Variants in NFIX observed in about 807,000 individuals in gnomAD.
NFIX encodes the protein nuclear factor 1 X-type.
Under a neutral mutation model 53.3 loss-of-function variants are expected in NFIX, and 2 were observed. The observed-to-expected ratio is 0.04, with a 90% CI of 0.02 to 0.12. The LOEUF (loss-of-function observed/expected upper bound fraction) is 0.12, where lower values mean the gene tolerates loss of function less well. NFIX is among the 10% of genes least tolerant of loss of function. The pLI, the probability that NFIX is intolerant of heterozygous loss-of-function variation, is 1.00. For synonymous variants in NFIX, 244 were observed against 289.0 expected (o/e 0.84, Z 1.58); for missense variants, 310 against 674.5 (o/e 0.46, Z 5.99).
At position 13,022,136 on chromosome 19, in the gene NFIX, T is replaced by A. The variant is rs1332222048; in HGVS notation, c.28-2885T>A. On this transcript the variant is annotated intron_variant, in intron 1 of 10. Coordinates refer to ENST00000592199, the MANE Select transcript of NFIX (RefSeq NM_001365902.3). The surrounding 1 kb of genome is among the most constrained non-coding windows in gnomAD (Gnocchi z 4.5). ...CCTCTGCTCAGAGGTAGTGTCCATC[T>A]TTTTGCCTTTGTCACTTCTCCCCGG... Among the ~76,000 whole-genome samples the A allele has an allele frequency of 6.6e-6, 1 of 152,174 alleles. No individual in the cohort carries two copies. Among genetic ancestry groups the A allele is most frequent in the East Asian group, 1.9e-4 (1 of 5,200 alleles).
In NFIX at chr19:13,097,071, C is replaced by A. The variant is rs1192665307; in HGVS notation, c.*2422C>A. Reference sequence around the variant, plus strand: ...GTTAAGAGATTAAGAAAAAAAAATTCTATTTTTGTTGTAATGTCCTCGCGG... The same window carrying A: ...GTTAAGAGATTAAGAAAAAAAAATTATATTTTTGTTGTAATGTCCTCGCGG... On this transcript the variant is annotated 3_prime_UTR_variant, in exon 11 of 11. Transcript: ENST00000592199. 3 of 150,666 alleles carry A rather than the reference C, an allele frequency of 2.0e-5. No individual in the cohort carries two copies. Among genetic ancestry groups the A allele is most frequent in the Admixed American group, 6.6e-5 (1 of 15,194 alleles). 9.3% of individuals were successfully genotyped at this position (150,666 alleles called of 1,614,324 possible). A position where few individuals can be genotyped will look rare whatever the true frequency, so the allele number is the denominator to read the frequency against.
rs1407142870 is a variant in NFIX at position 12,996,655 on chromosome 19, G to A, written c.27+791G>A. On this transcript the variant is annotated intron_variant, in intron 1 of 10. Transcript: ENST00000592199. This position sits in a 1 kb window ranked among gnomAD's most constrained non-coding sequence, Gnocchi z 5.2. ...TGGCCCCAGCGACCCGGGCTGCTGCGGAGTGGACCCGGCAGGCCTGGGGAA... is the reference window on the plus strand; with the variant it reads ...TGGCCCCAGCGACCCGGGCTGCTGCAGAGTGGACCCGGCAGGCCTGGGGAA... 2.0e-5 allele frequency among the ~76,000 whole-genome samples: 3 copies of A among 152,150 alleles called. No individual in the cohort carries two copies. Among genetic ancestry groups the A allele is most frequent in the Non-Finnish European group, 4.4e-5 (3 of 68,016 alleles).
chr19:13,015,808 A>ACACGCG (rs1555695241), intron 1 of NFIX, among the ~76,000 whole-genome samples: 2 of 150,704 alleles, frequency 1.3e-5, no homozygotes, highest in African/African-American at 4.9e-5. Context: ...ACACACACAC[A>ACACGCG]CACACGCACA....
chr19:12,997,921 G>C (rs757628278), intron 1 of NFIX, among the ~76,000 whole-genome samples: 6 of 152,098 alleles, frequency 3.9e-5, no homozygotes, highest in Non-Finnish European at 8.8e-5. Context: ...TGGCTGGAGA[G>C]GGGAGTGGGC....
In NFIX at chr19:13,073,150, G is replaced by T; in HGVS notation, c.622+41G>T. On this transcript the variant is annotated intron_variant, in intron 3 of 10. Transcript: ENST00000592199. This position sits in a 1 kb window ranked among gnomAD's most constrained non-coding sequence, Gnocchi z 4.5. ...CTGCCCAGCTGCCCTTATCCTTCAT[G>T]CCCCTCCACTTCCTTCCCCCACCCT... The T allele has an allele frequency of 6.3e-7, 1 of 1,597,194 alleles. No homozygotes were observed. Among genetic ancestry groups the T allele is most frequent in the Non-Finnish European group, 8.6e-7 (1 of 1,164,648 alleles).
In NFIX at chr19:13,093,909, G is replaced by GC. The variant is rs1267015241; in HGVS notation, c.1495-724dup. ...CTGCCCTGGGTGTGCTCTGAGCTGA[G>GC]CCACCAGACACAGGCAGACAAGACA... On this transcript the variant is annotated intron_variant, in intron 10 of 10. Coordinates refer to ENST00000592199, the MANE Select transcript of NFIX (RefSeq NM_001365902.3). This position sits in a 1 kb window ranked among gnomAD's most constrained non-coding sequence, Gnocchi z 4.7. 1.4e-4 allele frequency among the ~76,000 whole-genome samples: 21 copies of GC among 152,140 alleles called. No individual in the cohort carries two copies. The highest frequency in any genetic ancestry group is 1.3e-3 in the Admixed American group (20 of 15,280).
chr19:13,034,817 A>G (rs1599757335), intron 2 of NFIX, among the ~76,000 whole-genome samples: 1 of 151,840 alleles, frequency 6.6e-6, no homozygotes, highest in East Asian at 1.9e-4. Flanking sequence ...GTTCAGGGAG[A>G]GGCTGGCTCA....
rs2012020710 is a variant in NFIX, at chr19:13,006,478, C to T, written c.27+10614C>T. Among the ~76,000 whole-genome samples the T allele has an allele frequency of 6.6e-6, 1 of 152,220 alleles. No homozygotes were observed. Among genetic ancestry groups the T allele is most frequent in the Non-Finnish European group, 1.5e-5 (1 of 68,042 alleles). ...CAAGATGGCCGAGGCCTTTCCTTTACAGAAACTGGGGCTTGATGGGCACTG... is the reference window on the plus strand; with the variant it reads ...CAAGATGGCCGAGGCCTTTCCTTTATAGAAACTGGGGCTTGATGGGCACTG... On this transcript the variant is annotated intron_variant, in intron 1 of 10. Coordinates refer to ENST00000592199, the MANE Select transcript of NFIX (RefSeq NM_001365902.3). The surrounding 1 kb of genome is among the most constrained non-coding windows in gnomAD (Gnocchi z 5.6).
chr19:13,056,443 CTGGGCCCACATAGGG>C (rs1024520763), intron 2 of NFIX, among the ~76,000 whole-genome samples: 58 of 152,190 alleles, frequency 3.8e-4, no homozygotes, highest in Non-Finnish European at 7.4e-5. Context: ...CTTGCATAGG[CTGGGCCCACATAGGG>C]TGGGCCCACC....
chr19:13,066,451 T>G lies in NFIX; in HGVS notation c.560-6596T>G, dbSNP rs2016407928. 6.6e-6 allele frequency among the ~76,000 whole-genome samples: 1 copy of G among 152,022 alleles called. No individual in the cohort carries two copies. The highest frequency in any genetic ancestry group is 2.1e-4 in the South Asian group (1 of 4,820). ...TGGGTGTCACTCGGTTTCTTCCTCT[T>G]TCCTGTCACTTATCCCCTCTGCCAT... On this transcript the variant is annotated intron_variant, in intron 2 of 10. Coordinates refer to ENST00000592199, the MANE Select transcript of NFIX (RefSeq NM_001365902.3). The surrounding 1 kb of genome is among the most constrained non-coding windows in gnomAD (Gnocchi z 4.2).
Position 13,073,234 on chromosome 19 carries a change from A to G in NFIX, c.622+125A>G. On this transcript the variant is annotated intron_variant, in intron 3 of 10. Coordinates refer to ENST00000592199, the MANE Select transcript of NFIX (RefSeq NM_001365902.3). The surrounding 1 kb of genome is among the most constrained non-coding windows in gnomAD (Gnocchi z 4.5). ...ATTCAGCTGTCCCTTGACTGAGCTT[A>G]GCTTGCTGTCCTGAGGGGATGGGGG... 2.8e-6 allele frequency: 3 copies of G among 1,061,780 alleles called. No individual in the cohort carries two copies. Among genetic ancestry groups the G allele is most frequent in the Non-Finnish European group, 2.9e-6 (2 of 680,812 alleles). The allele number at this position is 1,061,780 out of a possible 1,614,324, so 65.8% of individuals were successfully genotyped here. A position where few individuals can be genotyped will look rare whatever the true frequency, so the allele number is the denominator to read the frequency against.
chr19:13,086,558 G>A lies in NFIX; in HGVS notation c.1255-1431G>A, dbSNP rs530797875. Among the ~76,000 whole-genome samples, 27 of 152,150 alleles carry A rather than the reference G, an allele frequency of 1.8e-4. 1 individual carries two copies. The highest frequency in any genetic ancestry group is 3.4e-4 in the Non-Finnish European group (23 of 68,012). On this transcript the variant is annotated intron_variant, in intron 8 of 10. Transcript: ENST00000592199. ...CTTGGACTGATGATCCTTTGTTGTT[G>A]GGGCTGTCCTGTGCACCGCAGGATG...
In NFIX at chr19:13,013,316, C is replaced by A. The variant is rs976629030; in HGVS notation, c.28-11705C>A. On this transcript the variant is annotated intron_variant, in intron 1 of 10. Transcript: ENST00000592199. The surrounding 1 kb of genome is among the most constrained non-coding windows in gnomAD (Gnocchi z 5.9). ...AAGCTGGCGTCGGGCTGAAGTCCCC[C>A]GAGCCACCCCTGGAGCCAGAGCAGC... is the stretch of plus-strand genomic sequence containing the variant. Among the ~76,000 whole-genome samples, 2 of 152,184 alleles carry A rather than the reference C, an allele frequency of 1.3e-5. No individual in the cohort carries two copies. The highest frequency in any genetic ancestry group is 2.4e-5 in the African/African-American group (1 of 41,432).
intron 1 of NFIX, among the ~76,000 whole-genome samples, chr19:13,004,324 A>G (rs2011892619): frequency 6.6e-6 from 1 of 152,076 alleles, no homozygotes; most frequent in Non-Finnish European, 1.5e-5. Context: ...CACCCAAACA[A>G]GACGCCAGCT....
In NFIX at chr19:13,073,450, G is replaced by A; in HGVS notation, c.651G>A (p.Val217=). The change falls in exon 4 of 11, where the codon GTG becomes GTA. Residue 217 remains valine, a synonymous_variant. Coordinates refer to ENST00000592199, the MANE Select transcript of NFIX (RefSeq NM_001365902.3). The surrounding 1 kb of genome is among the most constrained non-coding windows in gnomAD (Gnocchi z 4.5). ...NGHLSFQDCF[V]TSGVWNVTEL... ...ACTTAAGTTTCCAGGACTGTTTTGT[G>A]ACTTCCGGGGTCTGGAATGTGACGG... 1 of 1,613,982 alleles carries A rather than the reference G, an allele frequency of 6.2e-7. No individual in the cohort carries two copies. The highest frequency in any genetic ancestry group is 8.5e-7 in the Non-Finnish European group (1 of 1,179,890).
rs1321640653 is a variant in NFIX, at chr19:13,011,428, G to A, written c.28-13593G>A. The stretch of plus-strand genomic sequence containing the variant: ...GTCCAGCTCGGGCCGCACGCTACCC[G>A]CCCTCCAGGCCTTCGCTCCAGGTGC... On this transcript the variant is annotated intron_variant, in intron 1 of 10. Transcript: ENST00000592199. This position sits in a 1 kb window ranked among gnomAD's most constrained non-coding sequence, Gnocchi z 6.5. Among the ~76,000 whole-genome samples, 1 of 151,702 alleles carries A rather than the reference G, an allele frequency of 6.6e-6. No homozygotes were observed. The highest frequency in any genetic ancestry group is 1.5e-5 in the Non-Finnish European group (1 of 67,942).
At chr19:13,079,653 G>A (rs2017341329) in intron 7 of NFIX, among the ~76,000 whole-genome samples, 1 of 152,210 alleles carries the variant, frequency 6.6e-6, no homozygotes, top group Non-Finnish European at 1.5e-5. Flanking sequence ...GCTGGGGCAG[G>A]GTGTGGTGGC....
In NFIX at chr19:13,078,605, C is replaced by A; in HGVS notation, c.956-8C>A. On this transcript the variant is annotated splice_region_variant and splice_polypyrimidine_tract_variant and intron_variant, in intron 6 of 10. Coordinates refer to ENST00000592199, the MANE Select transcript of NFIX (RefSeq NM_001365902.3). This position sits in a 1 kb window ranked among gnomAD's most constrained non-coding sequence, Gnocchi z 4.7. ...AACCTGCCCTGTGTTGCTGCTTCCT[C>A]CCCCCAGGCCCGGCTTCTCTAAAGA... The A allele has an allele frequency of 6.3e-7, 1 of 1,595,848 alleles. No individual in the cohort carries two copies. Among genetic ancestry groups the A allele is most frequent in the Non-Finnish European group, 8.5e-7 (1 of 1,171,316 alleles).
In NFIX at chr19:13,051,785, C is replaced by G. The variant is rs1411536542; in HGVS notation, c.560-21262C>G. Among the ~76,000 whole-genome samples the G allele has an allele frequency of 3.9e-5, 6 of 152,228 alleles. No homozygotes were observed. Among genetic ancestry groups the G allele is most frequent in the Non-Finnish European group, 7.3e-5 (5 of 68,042 alleles). On this transcript the variant is annotated intron_variant, in intron 2 of 10. Transcript: ENST00000592199. This position sits in a 1 kb window ranked among gnomAD's most constrained non-coding sequence, Gnocchi z 5.1. ...TTGACCCCTGACCAGCGATACTAATCTGTGTCAACAGGCCCCAGGGGTTAA... is the reference window on the plus strand; with the variant it reads ...TTGACCCCTGACCAGCGATACTAATGTGTGTCAACAGGCCCCAGGGGTTAA...
Sources: gnomAD v4.1 joint callset for allele counts (sites outside exome capture counted in the v4.1 genomes callset) on GRCh38, gnomAD v4.1.1 for gene constraint, Gnocchi (gnomAD v3.1) non-coding constraint, MANE v1.5 for transcripts, NCBI Gene and HGNC (gene_info 2026-07-23, HGNC 2026-07-21) for gene names.